Variants in CACNA1D observed in about 807,000 individuals in gnomAD.
CACNA1D encodes voltage-dependent L-type calcium channel subunit alpha-1D.
CACNA1D carries 55 observed loss-of-function variants against 257.1 expected under a neutral mutation model. The observed-to-expected ratio is 0.21, with a 90% CI of 0.17 to 0.27. The LOEUF is 0.27. CACNA1D is among the 10% of genes least tolerant of loss of function. CACNA1D has a pLI of 1.00. For synonymous variants in CACNA1D, 980 were observed against 1,014.9 expected (o/e 0.97, Z 0.65); for missense variants, 1,876 against 2,784.0 (o/e 0.67, Z 7.34).
intron 19 of CACNA1D, 105 bp from the exon 20 acceptor site, chr3:53,735,269 G>A: frequency 9.3e-7 from 1 of 1,080,082 alleles, no homozygotes; most frequent in Non-Finnish European, 1.4e-6. Flanking sequence ...ACAGCAGACA[G>A]CTGCCCTCTG....
chr3:53,810,087 C>A lies in CACNA1D; in HGVS notation c.5981C>A (p.Thr1994Lys). The A allele has an allele frequency of 6.2e-7, 1 of 1,613,960 alleles. No homozygotes were observed. Among genetic ancestry groups the A allele is most frequent in the Non-Finnish European group, 8.5e-7 (1 of 1,180,022 alleles). Residue 1994 changes from threonine (T) to lysine (K), a missense_variant, in exon 47 of 48, where the codon ACA (threonine) becomes AAA (lysine). Physicochemically the swap from Thr to Lys is moderately conservative, Grantham distance 78. Around this residue, in one of 10 missense-constraint regions of CACNA1D, gnomAD observed 491 missense variants for 554.3 expected, o/e 0.89. Transcript: ENST00000350061. ...PPATPPYRDW[T>K]PCYTPLIQVE... ...GCAACCCCTCCCTACCGGGACTGGA[C>A]ACCGTGCTACACCCCCCTGATCCAA...
At chr3:53,710,321 C>A (rs938065106) in intron 9 of CACNA1D, 7 of 440,872 alleles carry the variant, frequency 1.6e-5, no homozygotes, top group Non-Finnish European at 3.2e-5. Flanking sequence ...GGGCTGGCCG[C>A]GTGGGGCCCT....
chr3:53,599,408 G>T (rs1033189033), intron 3 of CACNA1D, among the ~76,000 whole-genome samples: 10 of 151,906 alleles, frequency 6.6e-5, no homozygotes, highest in African/African-American at 2.4e-4. Context: ...AGCATATACA[G>T]GATTTTTTTT....
intron 35 of CACNA1D, 93 bp from the exon 36 acceptor site, chr3:53,776,510 A>T (rs2095398192): frequency 2.7e-6 from 4 of 1,468,938 alleles, no homozygotes; most frequent in South Asian, 1.2e-5. Flanking sequence ...ATGGGTTCCC[A>T]TGTTTCATGT....
At chr3:53,775,854 A>G in intron 34 of CACNA1D, 32 bp from the exon 35 acceptor site, 2 of 1,611,354 alleles carry the variant, frequency 1.2e-6, no homozygotes, top group South Asian at 1.1e-5. Flanking sequence ...TCTTTCCCCC[A>G]CTAAAGCCCC....
intron 3 of CACNA1D, among the ~76,000 whole-genome samples, chr3:53,586,292 G>A (rs1559879191): frequency 6.6e-6 from 1 of 151,250 alleles, no homozygotes; most frequent in Non-Finnish European, 1.5e-5. Context: ...GTGTGTGTGT[G>A]TGTGTGTGTG....
At chr3:53,506,537 C>G (rs1255174446) in intron 3 of CACNA1D, among the ~76,000 whole-genome samples, 1 of 152,052 alleles carries the variant, frequency 6.6e-6, no homozygotes, top group East Asian at 1.9e-4. Flanking sequence ...GTGCCTGGCA[C>G]ACAGGAAGCA....
At chr3:53,578,923 A>G (rs80191422) in intron 3 of CACNA1D, among the ~76,000 whole-genome samples, 1,911 of 152,312 alleles carry the variant, frequency 0.013, 35 homozygotes, top group South Asian at 0.04. Flanking sequence ...AGGTTGGGCC[A>G]TAGTTGGGAG....
Position 53,774,024 on chromosome 3 carries a change from C to T in CACNA1D, c.4111-563C>T, listed in dbSNP as rs1181879893. ...ACTCTTCTGCCCGGGGCTCACAGCC[C>T]CTGCCTGTTGCCTCCTGCCCTTGTC... On this transcript the variant is annotated intron_variant, in intron 33 of 47. Coordinates refer to ENST00000350061, the MANE Select transcript of CACNA1D (RefSeq NM_001128840.3). This position sits in a 1 kb window ranked among gnomAD's most constrained non-coding sequence, Gnocchi z 4.3. The T allele has an allele frequency of 3.2e-5, 5 of 156,712 alleles. No homozygotes were observed. The highest frequency in any genetic ancestry group is 2.5e-4 in the Admixed American group (4 of 16,152). The allele number at this position is 156,712 out of a possible 1,614,324, so 9.7% of individuals were successfully genotyped here. A position where few individuals can be genotyped will look rare whatever the true frequency, so the allele number is the denominator to read the frequency against.
chr3:53,791,180 G>A (rs2095480822), intron 40 of CACNA1D: 2 of 602,484 alleles, frequency 3.3e-6, no homozygotes, highest in Admixed American at 2.8e-5. Flanking sequence ...GCACTCCTCC[G>A]GAAGGTGGAA....
chr3:53,652,235 G>A (rs2094105074), intron 4 of CACNA1D, among the ~76,000 whole-genome samples: 1 of 152,134 alleles, frequency 6.6e-6, no homozygotes, highest in South Asian at 2.1e-4. Flanking sequence ...GAATGGAGAT[G>A]CTTAGCCCCA....
At chr3:53,510,640 C>A (rs1251679109) in intron 3 of CACNA1D, among the ~76,000 whole-genome samples, 3 of 152,202 alleles carry the variant, frequency 2.0e-5, no homozygotes, top group African/African-American at 7.2e-5. Flanking sequence ...ATTGCCACAT[C>A]ATTCTTCACT....
intron 3 of CACNA1D, among the ~76,000 whole-genome samples, chr3:53,604,249 T>A (rs757659492): frequency 6.6e-6 from 1 of 152,172 alleles, no homozygotes; most frequent in Non-Finnish European, 1.5e-5. Flanking sequence ...GTAGGCAGTT[T>A]TGAATCCTGG....
At chr3:53,736,553 G>A (rs745783238) in intron 20 of CACNA1D, among the ~76,000 whole-genome samples, 2 of 152,070 alleles carry the variant, frequency 1.3e-5, no homozygotes, top group African/African-American at 2.4e-5. Context: ...TTAACTTAGC[G>A]GTTTACAATA....
chr3:53,725,987 T>G (rs2094930808), intron 14 of CACNA1D, among the ~76,000 whole-genome samples: 1 of 152,234 alleles, frequency 6.6e-6, no homozygotes, highest in Admixed American at 6.5e-5. Context: ...TGAGGTAGTT[T>G]TGTAAATTTA....
At chr3:53,666,842 C>T (rs2094269943) in intron 7 of CACNA1D, among the ~76,000 whole-genome samples, 1 of 152,152 alleles carries the variant, frequency 6.6e-6, no homozygotes, top group Admixed American at 6.5e-5. Flanking sequence ...GAAGCCAGGG[C>T]TATCCTGATT....
intron 3 of CACNA1D, among the ~76,000 whole-genome samples, chr3:53,587,431 C>T (rs1262570738): frequency 6.6e-6 from 1 of 152,114 alleles, no homozygotes; most frequent in African/African-American, 2.4e-5. Context: ...ACAGGGTCTT[C>T]TCTGGGACCT....
In CACNA1D at chr3:53,713,502, ATGTGTGTGTGTGTGTGTGTGTGTG is replaced by A. The variant is rs35655186; in HGVS notation, c.1391-4780_1391-4757del. On this transcript the variant is annotated intron_variant, in intron 9 of 47. Coordinates refer to ENST00000350061, the MANE Select transcript of CACNA1D (RefSeq NM_001128840.3). ...ACATAGACTCATTTGCTCTGTGTGT[ATGTGTGTGTGTGTGTGTGTGTGTG>A]TGTGTGTGTGTGTGTGTGAGAGATT... 1.6e-3 allele frequency among the ~76,000 whole-genome samples: 213 copies of A among 129,374 alleles called. 9 individuals carry two copies. Among genetic ancestry groups the A allele is most frequent in the Non-Finnish European group, 3.9e-4 (24 of 61,710 alleles). 84.9% of individuals were successfully genotyped at this position (129,374 alleles called of 152,430 possible). A position where few individuals can be genotyped will look rare whatever the true frequency, so the allele number is the denominator to read the frequency against.
chr3:53,782,262 GTGTATATA>G (rs1377561256), intron 39 of CACNA1D: 3 of 42,010 alleles, frequency 7.1e-5, no homozygotes, highest in African/African-American at 1.4e-4. Context: ...GTGTGTGTGT[GTGTATATA>G]TATATATATA....
Sources: gnomAD v4.1 joint callset for allele counts (sites outside exome capture counted in the v4.1 genomes callset) on GRCh38, gnomAD v4.1.1 for gene constraint, gnomAD v4.1.1 regional missense constraint, Gnocchi (gnomAD v3.1) non-coding constraint, MANE v1.5 for transcripts, NCBI Gene and HGNC (gene_info 2026-07-23, HGNC 2026-07-21) for gene names.